The following NEO1 variants were observed in gnomAD, a reference collection of about 807,000 sequenced individuals.
The protein encoded by NEO1 is neogenin 1, also known as neogenin.
A neutral mutation model predicts 159.7 loss-of-function variants in NEO1; 63 were observed. The observed-to-expected ratio is 0.39, with a 90% confidence interval of 0.32 to 0.49. The LOEUF is 0.49. NEO1 is among the 20% of genes least tolerant of loss of function. The pLI, the probability that NEO1 is intolerant of heterozygous loss-of-function variation, is 0.85. For synonymous variants in NEO1, 633 were observed against 662.0 expected, an observed-to-expected ratio of 0.96 and a Z score of 0.67; for missense variants, 1,615 against 1,831.0, an observed-to-expected ratio of 0.88 and a Z score of 2.15.
At chr15:73,249,324 A>G (rs1019429463) in intron 10 of NEO1, 116 bp downstream of exon 10, 1 of 1,223,122 alleles carries the variant, frequency 8.2e-7, no homozygotes, top group Admixed American at 2.5e-5. Context: ...AACATAGGAA[A>G]TGAAAAGTTG....
intron 5 of NEO1, among the ~76,000 whole-genome samples, chr15:73,137,795 C>G (rs550811075): frequency 2.0e-5 from 3 of 152,164 alleles, no homozygotes; most frequent in Admixed American, 2.0e-4. Context: ...CTGTGCCTAG[C>G]CAGAGAAAGG....
At chr15:73,103,354 CA>C (rs2070503169) in intron 1 of NEO1, among the ~76,000 whole-genome samples, 1 of 152,136 alleles carries the variant, frequency 6.6e-6, no homozygotes, top group Middle Eastern at 3.2e-3. Flanking sequence ...ACTGCCTTCC[CA>C]GTTGTGAATT....
intron 1 of NEO1, among the ~76,000 whole-genome samples, chr15:73,077,562 G>T (rs908064648): frequency 6.6e-6 from 1 of 152,174 alleles, no homozygotes; most frequent in Non-Finnish European, 1.5e-5. Flanking sequence ...CAAATAGTTT[G>T]TGTTCTCTGA....
intron 1 of NEO1, among the ~76,000 whole-genome samples, chr15:73,073,602 A>G (rs2068636566): frequency 6.6e-6 from 1 of 152,158 alleles, no homozygotes; most frequent in South Asian, 2.1e-4. Context: ...ACAAGTAGAA[A>G]GATTTGCATT....
chr15:73,301,376 G>A lies in NEO1; in HGVS notation c.4221G>A (p.Arg1407=). The A allele has an allele frequency of 6.2e-7, 1 of 1,614,174 alleles. No individual in the cohort carries two copies. The highest frequency in any genetic ancestry group is 1.7e-5 in the Admixed American group (1 of 60,028). Residue 1407 remains arginine, a synonymous_variant, in exon 28 of 29, where the codon AGG becomes AGA. Coordinates refer to ENST00000261908, the MANE Select transcript of NEO1 (RefSeq NM_002499.4). ...VKTASIGTLG[R]SRPPMPVVVP... ...CAGCCTCCATCGGGACTCTAGGAAG[G>A]AGCCGGCCTCCTATGCCAGTGGTTG...
At position 73,218,095 on chromosome 15, in the gene NEO1, G is replaced by A. The variant is rs146262965; in HGVS notation, c.1292-18252G>A. 3.5e-3 allele frequency among the ~76,000 whole-genome samples: 535 copies of A among 152,216 alleles called. 3 individuals carry two copies. Among genetic ancestry groups the A allele is most frequent in the African/African-American group, 0.012 (504 of 41,530 alleles). On this transcript the variant is annotated intron_variant, in intron 7 of 28. Transcript: ENST00000261908. Reference sequence around the variant, plus strand: ...AGATAGCTTTTATTATTTTAGATACGTCCCATCAATACCTAATTTATTGAG... The same window carrying A: ...AGATAGCTTTTATTATTTTAGATACATCCCATCAATACCTAATTTATTGAG...
intron 8 of NEO1, among the ~76,000 whole-genome samples, chr15:73,240,512 T>C (rs56989932): frequency 0.013 from 1,958 of 152,304 alleles, 32 homozygotes; most frequent in African/African-American, 0.044. Flanking sequence ...AAGTGGACGT[T>C]TGGAGCCAGA....
At chr15:73,214,055 G>A (rs552344856) in intron 7 of NEO1, among the ~76,000 whole-genome samples, 1 of 152,108 alleles carries the variant, frequency 6.6e-6, no homozygotes, top group East Asian at 1.9e-4. Context: ...TTGGCCATTT[G>A]TGTATCTTCA....
At chr15:73,210,720 A>T (rs1411364194) in intron 7 of NEO1, among the ~76,000 whole-genome samples, 1 of 152,212 alleles carries the variant, frequency 6.6e-6, no homozygotes, top group Non-Finnish European at 1.5e-5. Context: ...TAATAAGAGT[A>T]TTACTTTTAC....
At position 73,288,425 on chromosome 15, in the gene NEO1, A is replaced by G; in HGVS notation, c.3523A>G (p.Ile1175Val). The G allele has an allele frequency of 6.2e-7, 1 of 1,614,134 alleles. No individual in the cohort carries two copies. Among genetic ancestry groups the G allele is most frequent in the Non-Finnish European group, 8.5e-7 (1 of 1,180,012 alleles). Residue 1175 changes from isoleucine (I) to valine (V), a missense_variant, in exon 24 of 29, where the codon ATT becomes GTT. Around this residue, in one of 3 missense-constraint regions of NEO1, gnomAD observed 471 missense variants for 498.9 expected, o/e 0.94. Transcript: ENST00000261908. ...TCATGAGAGACTGGAGCTGAAACCCATTGATAAGTCTCCAGACCCAAACCC... is the reference window on the plus strand; with the variant it reads ...TCATGAGAGACTGGAGCTGAAACCCGTTGATAAGTCTCCAGACCCAAACCC... ...IHHERLELKP[I>V]DKSPDPNPIM...
intron 9 of NEO1, among the ~76,000 whole-genome samples, chr15:73,245,840 C>G (rs1347000546): frequency 1.3e-5 from 2 of 151,984 alleles, no homozygotes; most frequent in African/African-American, 2.4e-5. Context: ...CTCGGCCTCG[C>G]AAAGTGCTGG....
chr15:73,068,920 G>A (rs1483943015), intron 1 of NEO1, among the ~76,000 whole-genome samples: 2 of 149,722 alleles, frequency 1.3e-5, no homozygotes, highest in Non-Finnish European at 3.0e-5. Context: ...AGGCTAGTTA[G>A]CTCCTGACTG....
intron 1 of NEO1, among the ~76,000 whole-genome samples, chr15:73,111,877 C>T (rs1235997619): frequency 2.0e-5 from 3 of 152,206 alleles, no homozygotes; most frequent in East Asian, 1.9e-4. Flanking sequence ...TCAAGCAATC[C>T]GCCTGCCTTG....
At chr15:73,276,643 A>G (rs958541178) in intron 21 of NEO1, among the ~76,000 whole-genome samples, 2 of 152,228 alleles carry the variant, frequency 1.3e-5, no homozygotes, top group Admixed American at 6.5e-5. Context: ...GTAGGTTTTC[A>G]GTTTCTGGAA....
chr15:73,152,659 G>A (rs368321262), intron 5 of NEO1, among the ~76,000 whole-genome samples: 4 of 152,310 alleles, frequency 2.6e-5, no homozygotes, highest in African/African-American at 7.2e-5. Context: ...TGGAGGACTA[G>A]GCTTGTAACC....
chr15:73,266,248 ACAGC>A (rs1318256920), intron 15 of NEO1, 64 bp from the exon 16 acceptor site: 6 of 1,228,920 alleles, frequency 4.9e-6, no homozygotes, highest in Non-Finnish European at 5.8e-6. Flanking sequence ...AAGATTATGC[ACAGC>A]CACCCTTGAA....
At chr15:73,215,998 T>C (rs1364843616) in intron 7 of NEO1, among the ~76,000 whole-genome samples, 2 of 152,124 alleles carry the variant, frequency 1.3e-5, no homozygotes, top group African/African-American at 4.8e-5. Flanking sequence ...TAGTTACATA[T>C]GTATACATGT....
chr15:73,239,320 C>T (rs977205283), intron 8 of NEO1, among the ~76,000 whole-genome samples: 1 of 152,128 alleles, frequency 6.6e-6, no homozygotes, highest in African/African-American at 2.4e-5. Flanking sequence ...TATACATAGC[C>T]TTCCATCACA....
intron 1 of NEO1, among the ~76,000 whole-genome samples, chr15:73,101,976 A>T (rs540151588): frequency 6.6e-6 from 1 of 152,254 alleles, no homozygotes; most frequent in East Asian, 1.9e-4. Flanking sequence ...TATCCTTGCT[A>T]CTCAAAAATA....
Sources: gnomAD v4.1 joint callset for allele counts (sites outside exome capture counted in the v4.1 genomes callset) on GRCh38, gnomAD v4.1.1 for gene constraint, gnomAD v4.1.1 regional missense constraint, MANE v1.5 for transcripts, NCBI Gene and HGNC (gene_info 2026-07-23, HGNC 2026-07-21) for gene names.